PIK3C2B: variants seen among roughly 807,000 people sequenced by gnomAD.
The protein encoded by PIK3C2B is phosphatidylinositol 4-phosphate 3-kinase C2 domain-containing subunit beta.
Under a neutral mutation model 184.3 loss-of-function variants are expected in PIK3C2B, and 83 were observed. The ratio of observed to expected loss-of-function variants is 0.45; its 90% CI spans 0.38 to 0.54. The LOEUF (loss-of-function observed/expected upper bound fraction) is 0.54, where lower values mean the gene tolerates loss of function less well. Ranked by LOEUF, PIK3C2B falls within the 20% of genes least tolerant of loss-of-function variation. The pLI, the probability that PIK3C2B is intolerant of heterozygous loss-of-function variation, is 0.00. For missense variants in PIK3C2B, 1,736 were observed against 2,113.5 expected (o/e 0.82, Z 3.50); for synonymous variants, 779 against 837.6 (o/e 0.93, Z 1.21).
chr1:204,447,172 G>C lies in PIK3C2B; in HGVS notation c.2489+264C>G, dbSNP rs12073649. On this transcript the variant is annotated intron_variant, in intron 15 of 32. Transcript: ENST00000684373. This position sits in a 1 kb window ranked among gnomAD's most constrained non-coding sequence, Gnocchi z 4.1. ...GATAGCACATCTGGGATGTGGGGCA[G>C]AGCTCTGGTCCTCCTGGGTAGCTGA... is the stretch of plus-strand genomic sequence containing the variant. Among the ~76,000 whole-genome samples the C allele has an allele frequency of 6.6e-6, 1 of 152,176 alleles. No individual in the cohort carries two copies. The highest frequency in any genetic ancestry group is 2.4e-5 in the African/African-American group (1 of 41,440).
intron 1 of PIK3C2B, among the ~76,000 whole-genome samples, chr1:204,491,653 C>A (rs1031494737): frequency 6.6e-6 from 1 of 152,224 alleles, no homozygotes; most frequent in Non-Finnish European, 1.5e-5. Flanking sequence ...CAGGGAGAGA[C>A]CCTGTCTCAA....
At chr1:204,472,579 G>C (rs923846499) in intron 1 of PIK3C2B, among the ~76,000 whole-genome samples, 1 of 151,982 alleles carries the variant, frequency 6.6e-6, no homozygotes. Context: ...AGGAGTTCGA[G>C]ACCAGCCTGG....
At chr1:204,468,440 T>C (rs1655998186) in intron 2 of PIK3C2B, among the ~76,000 whole-genome samples, 2 of 152,150 alleles carry the variant, frequency 1.3e-5, no homozygotes, top group Admixed American at 1.3e-4. Flanking sequence ...TGGTTACTAT[T>C]GTGAATGATC....
intron 10 of PIK3C2B, 126 bp downstream of exon 10, chr1:204,456,911 C>T (rs1654909544): frequency 5.5e-6 from 1 of 181,224 alleles, no homozygotes; most frequent in Non-Finnish European, 1.3e-5. Flanking sequence ...CACACACCCA[C>T]ACACACACAC....
At chr1:204,457,621 G>T in intron 9 of PIK3C2B, 107 bp downstream of exon 9, 1 of 1,050,828 alleles carries the variant, frequency 9.5e-7, no homozygotes. Flanking sequence ...GTGGAGAGAA[G>T]CCCCTTTTTA....
chr1:204,469,110 GA>G lies in PIK3C2B; in HGVS notation c.692del (p.Ile231ThrfsTer10). The stretch of plus-strand genomic sequence containing the variant: ...AGTTGAGCCTAGTAATTGCATCATT[GA>G]TACCATCATAGTCCACAGACCCCAG... ...RLLGSVDYDGINDAITRLNLK... is the reference protein window; with the variant it reads ...RLLGSVDYDGXNDAITRLNLK... On this transcript the variant is annotated frameshift_variant, in exon 2 of 33. Coordinates refer to ENST00000684373, the MANE Select transcript of PIK3C2B (RefSeq NM_001377334.1). LOFTEE classifies it high-confidence loss of function. The G allele has an allele frequency of 6.2e-7, 1 of 1,613,860 alleles. No individual in the cohort carries two copies. Among genetic ancestry groups the G allele is most frequent in the Non-Finnish European group, 8.5e-7 (1 of 1,179,770 alleles).
At chr1:204,451,995 G>A (rs577632560) in intron 12 of PIK3C2B, among the ~76,000 whole-genome samples, 1 of 152,292 alleles carries the variant, frequency 6.6e-6, no homozygotes, top group Admixed American at 6.5e-5. Flanking sequence ...AGAATGACTG[G>A]CCCAAAGACT....
intron 1 of PIK3C2B, among the ~76,000 whole-genome samples, chr1:204,473,731 A>G (rs1167143764): frequency 6.6e-6 from 1 of 152,180 alleles, no homozygotes; most frequent in East Asian, 1.9e-4. Context: ...ACACCCACTT[A>G]TGCATACTTG....
chr1:204,426,362 G>A lies in PIK3C2B; in HGVS notation c.4588-621C>T, dbSNP rs770494382. Among the ~76,000 whole-genome samples the A allele has an allele frequency of 2.3e-4, 35 of 152,244 alleles. 1 individual carries two copies. The South Asian group carries it at 4.6e-3, about 20-fold the overall frequency. On this transcript the variant is annotated intron_variant, in intron 31 of 32. Transcript: ENST00000684373. ...CCGCTGGCCCCTTGCTGTTTCTGAC[G>A]CACCCCTGGCAGGCTCCTGGCTCTG... is the stretch of plus-strand genomic sequence containing the variant.
intron 1 of PIK3C2B, among the ~76,000 whole-genome samples, chr1:204,478,704 G>T (rs1656901728): frequency 6.6e-6 from 1 of 152,294 alleles, no homozygotes; most frequent in South Asian, 2.1e-4. Flanking sequence ...GCCGCACATG[G>T]TCTGGCATTT....
rs1168352000 is a variant in PIK3C2B, at chr1:204,464,521, C to T, written c.1118G>A (p.Gly373Glu). The T allele has an allele frequency of 6.2e-7, 1 of 1,614,004 alleles. No individual in the cohort carries two copies. Among genetic ancestry groups the T allele is most frequent in the Admixed American group, 1.7e-5 (1 of 60,026 alleles). Reference sequence around the variant, plus strand: ...AGTCACCTTCAGGTTGACCTCATCCCCGAGGTGCTCTGGGCTAGGGGTGAC... The same window carrying T: ...AGTCACCTTCAGGTTGACCTCATCCTCGAGGTGCTCTGGGCTAGGGGTGAC... ...SAVTPSPEHL[G>E]DEVNLKVTVL... is the part of the protein sequence containing the mutation. The change falls in exon 4 of 33, where the codon GGG becomes GAG. Residue 373 changes from glycine to glutamate, a missense_variant. Physicochemically the swap from Gly to Glu is moderately conservative, Grantham distance 98. This residue lies in a region of PIK3C2B where 609 missense variants were observed against 699.2 expected (regional missense o/e 0.87). Coordinates refer to ENST00000684373, the MANE Select transcript of PIK3C2B (RefSeq NM_001377334.1).
In PIK3C2B at chr1:204,447,239, G is replaced by C. The variant is rs1653955110; in HGVS notation, c.2489+197C>G. 6.6e-6 allele frequency among the ~76,000 whole-genome samples: 1 copy of C among 152,142 alleles called. No homozygotes were observed. The highest frequency in any genetic ancestry group is 2.4e-5 in the African/African-American group (1 of 41,406). On this transcript the variant is annotated intron_variant, in intron 15 of 32. Coordinates refer to ENST00000684373, the MANE Select transcript of PIK3C2B (RefSeq NM_001377334.1). This position sits in a 1 kb window ranked among gnomAD's most constrained non-coding sequence, Gnocchi z 4.1. The stretch of plus-strand genomic sequence containing the variant: ...TGGGGTGGGGACTTGGGTATTCTCA[G>C]ATCTAATTTCCTGACCTTGACCTCT...
At chr1:204,434,681 G>C in intron 23 of PIK3C2B, 73 bp from the exon 24 acceptor site, 1 of 1,288,570 alleles carries the variant, frequency 7.8e-7, no homozygotes, top group Non-Finnish European at 1.1e-6. Context: ...GCCACAGCCA[G>C]ACAGAACTCA....
At chr1:204,456,934 C>T in intron 10 of PIK3C2B, 103 bp downstream of exon 10, 2 of 911,132 alleles carry the variant, frequency 2.2e-6, no homozygotes, top group Admixed American at 4.4e-5. Context: ...ACCAGCCGAA[C>T]TCCGACACAT....
At chr1:204,464,680 T>A in intron 3 of PIK3C2B, 76 bp from the exon 4 acceptor site, 1 of 1,411,354 alleles carries the variant, frequency 7.1e-7, no homozygotes, top group Non-Finnish European at 9.7e-7. Context: ...GGGAACCTCA[T>A]GCTCTGAGGC....
chr1:204,425,840 C>T (rs1263610161), intron 31 of PIK3C2B, 99 bp from the exon 32 acceptor site: 2 of 1,114,036 alleles, frequency 1.8e-6, no homozygotes, highest in Middle Eastern at 2.5e-4. Context: ...TCTCATCTGC[C>T]ATCTGGCATC....
At position 204,427,734 on chromosome 1, in the gene PIK3C2B, C is replaced by T. The variant is rs537808965; in HGVS notation, c.4501G>A (p.Val1501Ile). 31 of 1,613,760 alleles carry T rather than the reference C, an allele frequency of 1.9e-5. No homozygotes were observed. The highest frequency in any genetic ancestry group is 8.0e-5 in the African/African-American group (6 of 75,046). The change falls in exon 31 of 33, where the codon GTC becomes ATC. Residue 1501 changes from valine to isoleucine, a missense_variant. Around this residue, in one of 8 missense-constraint regions of PIK3C2B, gnomAD observed 200 missense variants for 199.1 expected, o/e 1.00. Transcript: ENST00000684373. ...TTCACCTCCCCTCCCACCTTTCCGA[C>T]GGGCCGGGCCCATGTGCCATCTGTA... ...KSSDGTWARP[V>I]GKVGGEVKLS...
At chr1:204,489,945 AAGAG>A (rs1290227496) in intron 1 of PIK3C2B, 5 of 395,918 alleles carry the variant, frequency 1.3e-5, no homozygotes, top group African/African-American at 8.4e-5. Flanking sequence ...GTATGAGAGA[AAGAG>A]AGAAAGATGT....
chr1:204,483,908 G>C (rs1367315869), intron 1 of PIK3C2B, among the ~76,000 whole-genome samples: 6 of 152,322 alleles, frequency 3.9e-5, no homozygotes, highest in African/African-American at 1.2e-4. Flanking sequence ...ATTCTCAGCA[G>C]GGATTCACTG....
Sources: allele counts gnomAD v4.1 joint callset (sites outside exome capture counted in the v4.1 genomes callset), GRCh38; gene constraint gnomAD v4.1.1; regional missense constraint gnomAD v4.1.1; non-coding constraint Gnocchi (gnomAD v3.1); transcripts MANE v1.5; gene names NCBI Gene and HGNC (gene_info 2026-07-23, HGNC 2026-07-21).